The following B4GALNT3 variants were observed in gnomAD, a reference collection of about 807,000 sequenced individuals.
The protein encoded by B4GALNT3 is beta-1,4-N-acetylgalactosaminyltransferase 3.
A neutral mutation model predicts 120.2 loss-of-function variants in B4GALNT3; 86 were observed. The observed-to-expected ratio is 0.72, with a 90% CI of 0.60 to 0.86. The LOEUF (loss-of-function observed/expected upper bound fraction) is 0.86. Ranked by LOEUF, B4GALNT3 falls within the 40% of genes least tolerant of loss-of-function variation. B4GALNT3 has a pLI of 0.00. For missense variants in B4GALNT3, 1,167 were observed against 1,298.9 expected, an observed-to-expected ratio of 0.90 and a Z score of 1.56; for synonymous variants, 518 against 510.4, an observed-to-expected ratio of 1.01 and a Z score of -0.20.
chr12:495,072 C>G (rs573719903), intron 1 of B4GALNT3, among the ~76,000 whole-genome samples: 1 of 152,334 alleles, frequency 6.6e-6, no homozygotes. Flanking sequence ...GTGTTCCTGG[C>G]ACAATGGATG....
chr12:526,657 A>C (rs1946761699), intron 1 of B4GALNT3, among the ~76,000 whole-genome samples: 1 of 152,130 alleles, frequency 6.6e-6, no homozygotes, highest in Non-Finnish European at 1.5e-5. Flanking sequence ...ATGGGCCCTT[A>C]AATGTTATAG....
chr12:522,183 C>T (rs1391413089), intron 1 of B4GALNT3, among the ~76,000 whole-genome samples: 3 of 152,136 alleles, frequency 2.0e-5, no homozygotes, highest in Non-Finnish European at 4.4e-5. Flanking sequence ...AAGAGCATGG[C>T]AAGCAAGGGC....
chr12:540,752 C>CT (rs969307339), intron 3 of B4GALNT3, among the ~76,000 whole-genome samples: 9 of 150,796 alleles, frequency 6.0e-5, no homozygotes, highest in East Asian at 3.9e-4. Flanking sequence ...TTTTTCTTTT[C>CT]TTTTTTTTTG....
Position 557,697 on chromosome 12 carries a change from A to G in B4GALNT3, c.2470A>G (p.Ile824Val). Residue 824 changes from isoleucine (I) to valine (V), a missense_variant, in exon 16 of 20, where the codon ATC becomes GTC. By Grantham distance (29) the Ile-to-Val change is conservative (BLOSUM62 3). Coordinates refer to ENST00000266383, the MANE Select transcript of B4GALNT3 (RefSeq NM_173593.4). ...VTGDPHFNIV[I>V]TDYSSEDMDV... ...CGGTGACCCACACTTCAACATCGTC[A>G]TCACTGACTATAGCAGTGAGGACAT... is the stretch of plus-strand genomic sequence containing the variant. 2.5e-6 allele frequency: 4 copies of G among 1,608,754 alleles called. No individual in the cohort carries two copies. The highest frequency in any genetic ancestry group is 3.4e-6 in the Non-Finnish European group (4 of 1,178,138).
chr12:561,372 G>A lies in B4GALNT3; in HGVS notation c.2918G>A (p.Arg973His), dbSNP rs779249566. Residue 973 changes from arginine (R) to histidine (H), a missense_variant, in exon 20 of 20, where the codon CGT (arginine) becomes CAT (histidine). Coordinates refer to ENST00000266383, the MANE Select transcript of B4GALNT3 (RefSeq NM_173593.4). ...CTCCAAGCGGGCCTGGACGTGGAGC[G>A]TCTCTCCCTCAGGAATTTCTTCCAT... ...RILQAGLDVE[R>H]LSLRNFFHHF... The A allele has an allele frequency of 8.1e-5, 130 of 1,613,932 alleles. No individual in the cohort carries two copies. Among genetic ancestry groups the A allele is most frequent in the Middle Eastern group, 1.6e-4 (1 of 6,084 alleles).
At chr12:483,974 ATC>A (rs1946265809) in intron 1 of B4GALNT3, among the ~76,000 whole-genome samples, 2 of 152,096 alleles carry the variant, frequency 1.3e-5, no homozygotes, top group Non-Finnish European at 2.9e-5. Flanking sequence ...AAGTTACTAA[ATC>A]TCTCTAATTT....
chr12:510,538 G>C (rs1665485402), intron 1 of B4GALNT3, among the ~76,000 whole-genome samples: 2 of 126,496 alleles, frequency 1.6e-5, no homozygotes, highest in South Asian at 5.6e-4. Flanking sequence ...CTGGTGAGCT[G>C]TTTACCCGCC....
chr12:468,763 A>G (rs562034591), intron 1 of B4GALNT3, among the ~76,000 whole-genome samples: 3 of 152,350 alleles, frequency 2.0e-5, no homozygotes, highest in Admixed American at 1.3e-4. Context: ...ATCCCTGCCC[A>G]GGGAATAGAC....
chr12:550,900 C>T lies in B4GALNT3; in HGVS notation c.998-22C>T, dbSNP rs1947074251. 3.2e-6 allele frequency: 5 copies of T among 1,562,682 alleles called. No homozygotes were observed. Among genetic ancestry groups the T allele is most frequent in the Non-Finnish European group, 4.4e-6 (5 of 1,134,774 alleles). ...TTTCGTGCTCACCCTCACCCTCACT[C>T]CTCCTCCTCCACTGTCCTCAGTGCC... On this transcript the variant is annotated intron_variant, in intron 10 of 19. Coordinates refer to ENST00000266383, the MANE Select transcript of B4GALNT3 (RefSeq NM_173593.4). This position sits in a 1 kb window ranked among gnomAD's most constrained non-coding sequence, Gnocchi z 4.1.
chr12:479,215 T>TA (rs397850305), intron 1 of B4GALNT3, among the ~76,000 whole-genome samples: 2 of 148,878 alleles, frequency 1.3e-5, no homozygotes, highest in South Asian at 2.2e-4. Flanking sequence ...GCTTTTTTTT[T>TA]ATTATTATTT....
chr12:563,151 G>C lies in B4GALNT3; in HGVS notation c.*1700G>C, dbSNP rs1320268157. 1 of 152,486 alleles carries C rather than the reference G, an allele frequency of 6.6e-6. No individual in the cohort carries two copies. Among genetic ancestry groups the C allele is most frequent in the Non-Finnish European group, 1.5e-5 (1 of 68,246 alleles). 9.4% of individuals were successfully genotyped at this position (152,486 alleles called of 1,614,324 possible). A position where few individuals can be genotyped will look rare whatever the true frequency, so the allele number is the denominator to read the frequency against. On this transcript the variant is annotated 3_prime_UTR_variant, in exon 20 of 20. Transcript: ENST00000266383. ...GCTTTTTCTGGTCCCTGCTGAGGCCGACTGGCCCCTGGAGAAGGATGGTGG... is the reference window on the plus strand; with the variant it reads ...GCTTTTTCTGGTCCCTGCTGAGGCCCACTGGCCCCTGGAGAAGGATGGTGG...
At chr12:517,662 A>T (rs1015181277) in intron 1 of B4GALNT3, among the ~76,000 whole-genome samples, 1 of 152,208 alleles carries the variant, frequency 6.6e-6, no homozygotes, top group African/African-American at 2.4e-5. Flanking sequence ...GACCACCAGG[A>T]TCCTCCTCTC....
chr12:512,505 T>TTCGA (rs1946595891), intron 1 of B4GALNT3, among the ~76,000 whole-genome samples: 1 of 139,192 alleles, frequency 7.2e-6, no homozygotes, highest in Non-Finnish European at 1.5e-5. Context: ...ACCTTCTACC[T>TTCGA]TCTGCCTTCC....
Position 545,416 on chromosome 12 carries a change from C to CT in B4GALNT3, c.587dup (p.Ser197GlufsTer4). 6.2e-7 allele frequency: 1 copy of CT among 1,611,984 alleles called. No individual in the cohort carries two copies. On this transcript the variant is annotated frameshift_variant, in exon 6 of 20. Transcript: ENST00000266383. LOFTEE classifies it high-confidence loss of function. ...TGCAGATGACAACGCGGAGTTCTGG[C>CT]TGAGCCTCGATGACCAGGTCTCAGG...
At chr12:485,849 A>G (rs148686039) in intron 1 of B4GALNT3, among the ~76,000 whole-genome samples, 2 of 152,302 alleles carry the variant, frequency 1.3e-5, no homozygotes, top group African/African-American at 4.8e-5. Flanking sequence ...GAAATCGACA[A>G]TTCTTAGATT....
Position 548,698 on chromosome 12 carries a change from CCAGGAGTT to C in B4GALNT3, c.853+403_853+410del, listed in dbSNP as rs1947038129. On this transcript the variant is annotated intron_variant, in intron 9 of 19. Coordinates refer to ENST00000266383, the MANE Select transcript of B4GALNT3 (RefSeq NM_173593.4). The surrounding 1 kb of genome is among the most constrained non-coding windows in gnomAD (Gnocchi z 4.9). Reference sequence around the variant, plus strand: ...GCCGAGGTAGGAGGATTGCTTGAGCCCAGGAGTTCGAGACCAGCCCAGGCCACATAGCG... The same window carrying C: ...GCCGAGGTAGGAGGATTGCTTGAGCCCGAGACCAGCCCAGGCCACATAGCG... Among the ~76,000 whole-genome samples the C allele has an allele frequency of 1.3e-5, 2 of 152,116 alleles. No individual in the cohort carries two copies. The highest frequency in any genetic ancestry group is 4.1e-4 in the South Asian group (2 of 4,822).
chr12:486,819 G>GA (rs1333328860), intron 1 of B4GALNT3, among the ~76,000 whole-genome samples: 1 of 152,092 alleles, frequency 6.6e-6, no homozygotes, highest in Non-Finnish European at 1.5e-5. Flanking sequence ...TACTAAAAGG[G>GA]AAAAAACACA....
chr12:536,161 G>T (rs771025700), intron 2 of B4GALNT3, 57 bp from the exon 3 acceptor site: 4 of 1,475,230 alleles, frequency 2.7e-6, no homozygotes, highest in Non-Finnish European at 2.8e-6. Flanking sequence ...CTCCTGTCCT[G>T]CCCGTAGCTT....
intron 19 of B4GALNT3, 51 bp from the exon 20 acceptor site, chr12:561,292 C>G (rs1345838938): frequency 6.7e-7 from 1 of 1,481,768 alleles, no homozygotes; most frequent in Admixed American, 1.7e-5. Context: ...GAGGGGCCCC[C>G]CAGCTGCCTT....
Sources: gnomAD v4.1 joint callset for allele counts (sites outside exome capture counted in the v4.1 genomes callset) on GRCh38, gnomAD v4.1.1 for gene constraint, Gnocchi (gnomAD v3.1) non-coding constraint, MANE v1.5 for transcripts, NCBI Gene and HGNC (gene_info 2026-07-23, HGNC 2026-07-21) for gene names.